RBFOX1: variants seen among roughly 807,000 people sequenced by gnomAD.
RBFOX1 encodes RNA binding fox-1 homolog 1, also known as RNA binding protein fox-1 homolog 1.
RBFOX1 carries 8 observed loss-of-function variants against 57.7 expected under a neutral mutation model. The ratio of observed to expected loss-of-function variants is 0.14; its 90% confidence interval spans 0.08 to 0.25. The LOEUF is 0.25. RBFOX1 is among the 10% of genes least tolerant of loss of function. The pLI, the probability that RBFOX1 is intolerant of heterozygous loss-of-function variation, is 1.00. For missense variants in RBFOX1, 611 were observed against 548.5 expected (o/e 1.11, Z -1.14); for synonymous variants, 326 against 222.4 (o/e 1.47, Z -4.15).
intron 1 of RBFOX1, among the ~76,000 whole-genome samples, chr16:5,305,470 G>C (rs989234346): frequency 3.9e-5 from 6 of 152,198 alleles, no homozygotes; most frequent in African/African-American, 1.4e-4. Context: ...TATAATTCCA[G>C]ATGTTTCCCT....
chr16:6,253,676 T>TGA (rs2097640969), intron 1 of RBFOX1, among the ~76,000 whole-genome samples: 1 of 13,350 alleles, frequency 7.5e-5, no homozygotes, highest in East Asian at 0.019. Flanking sequence ...TGTGTGTGCA[T>TGA]GTGTGTGTGT....
At chr16:7,203,332 A>T (rs1042710198) in intron 4 of RBFOX1, among the ~76,000 whole-genome samples, 1 of 152,232 alleles carries the variant, frequency 6.6e-6, no homozygotes, top group African/African-American at 2.4e-5. Context: ...TGAAGTTTGT[A>T]GTGAAAAGCA....
chr16:6,949,403 G>A (rs377316137), intron 3 of RBFOX1, among the ~76,000 whole-genome samples: 3 of 152,124 alleles, frequency 2.0e-5, no homozygotes, highest in Admixed American at 6.5e-5. Context: ...GTATTAGCTG[G>A]CTAGGGGCAC....
intron 2 of RBFOX1, chr16:6,483,986 T>A: frequency 3.9e-6 from 4 of 1,013,192 alleles, no homozygotes; most frequent in East Asian, 8.7e-5. Flanking sequence ...TGCCCCGTGG[T>A]GGGGGTGGTC....
chr16:6,483,885 G>C (rs2095416994), intron 2 of RBFOX1: 2 of 1,161,810 alleles, frequency 1.7e-6, no homozygotes, highest in East Asian at 4.7e-5. Flanking sequence ...GAAGGATGAG[G>C]CTGCGTTTGC....
intron 2 of RBFOX1, among the ~76,000 whole-genome samples, chr16:5,494,259 T>C (rs76438972): frequency 0.03 from 4,554 of 152,284 alleles, 238 homozygotes; most frequent in African/African-American, 0.1. Context: ...TCCCAAAGTC[T>C]AGACATTCGG....
intron 3 of RBFOX1, among the ~76,000 whole-genome samples, chr16:6,666,540 C>CAAA (rs35935992): frequency 4.9e-5 from 4 of 81,452 alleles, no homozygotes; most frequent in Non-Finnish European, 2.7e-5. Context: ...ACTCTGTCTC[C>CAAA]AAAAAAAAAA....
chr16:7,696,406 C>T (rs749428633), intron 14 of RBFOX1, among the ~76,000 whole-genome samples: 3 of 152,094 alleles, frequency 2.0e-5, no homozygotes, highest in Non-Finnish European at 4.4e-5. Flanking sequence ...ATGATTTTCC[C>T]TTCTTAGACG....
intron 5 of RBFOX1, among the ~76,000 whole-genome samples, chr16:7,558,141 C>T (rs2089276257): frequency 6.6e-6 from 1 of 152,038 alleles, no homozygotes; most frequent in Admixed American, 6.6e-5. Context: ...ATCACTGGAA[C>T]CCAGGAGTTC....
At chr16:6,096,860 G>A (rs543865857) in intron 1 of RBFOX1, among the ~76,000 whole-genome samples, 16 of 152,214 alleles carry the variant, frequency 1.1e-4, no homozygotes, top group East Asian at 1.9e-4. Flanking sequence ...CCGCTGGGAA[G>A]GAGTTGGCAC....
intron 4 of RBFOX1, among the ~76,000 whole-genome samples, chr16:7,180,193 G>T (rs1239320749): frequency 6.6e-6 from 1 of 152,124 alleles, no homozygotes; most frequent in African/African-American, 2.4e-5. Context: ...CCAAAGAACA[G>T]TAGCAATTTT....
chr16:6,977,947 A>AAAAAAAAAAATAAAT (rs57981662), intron 3 of RBFOX1, among the ~76,000 whole-genome samples: 1 of 145,968 alleles, frequency 6.9e-6, no homozygotes. Flanking sequence ...GAAAAAAAAA[A>AAAAAAAAAAATAAAT]AAAAGGCAAA....
intron 4 of RBFOX1, among the ~76,000 whole-genome samples, chr16:7,226,644 C>T (rs1454604432): frequency 6.6e-6 from 1 of 152,220 alleles, no homozygotes; most frequent in African/African-American, 2.4e-5. Flanking sequence ...TATATTCAAA[C>T]AACTCCATAA....
intron 4 of RBFOX1, among the ~76,000 whole-genome samples, chr16:7,082,848 A>G (rs1388070503): frequency 6.6e-6 from 1 of 152,176 alleles, no homozygotes; most frequent in African/African-American, 2.4e-5. Context: ...TTGATTAATT[A>G]TTGTGTTGAG....
chr16:5,810,083 C>A (rs991197487), intron 3 of RBFOX1, among the ~76,000 whole-genome samples: 3 of 151,702 alleles, frequency 2.0e-5, no homozygotes, highest in Non-Finnish European at 2.9e-5. Context: ...GGACAAAAAA[C>A]CAAACACCAT....
intron 2 of RBFOX1, among the ~76,000 whole-genome samples, chr16:5,512,086 G>A (rs1049148025): frequency 6.6e-6 from 1 of 152,224 alleles, no homozygotes; most frequent in Non-Finnish European, 1.5e-5. Context: ...GGGGTGATAT[G>A]TCTTGTCCGG....
chr16:7,181,557 C>G (rs527833034), intron 4 of RBFOX1, among the ~76,000 whole-genome samples: 21 of 151,896 alleles, frequency 1.4e-4, no homozygotes, highest in East Asian at 2.0e-4. Flanking sequence ...TCTCTCATCT[C>G]TCTTTCTCTC....
At chr16:5,353,875 G>C (rs1596627309) in intron 1 of RBFOX1, among the ~76,000 whole-genome samples, 1 of 152,042 alleles carries the variant, frequency 6.6e-6, no homozygotes, top group Non-Finnish European at 1.5e-5. Flanking sequence ...CATGGCCTTT[G>C]CTCTCAGAGG....
At position 6,847,528 on chromosome 16, in the gene RBFOX1, A is replaced by T. The variant is rs535064635; in HGVS notation, c.-16+192878A>T. Among the ~76,000 whole-genome samples the T allele has an allele frequency of 8.5e-5, 13 of 152,222 alleles. No individual in the cohort carries two copies. In the East Asian group the frequency reaches 2.5e-3, roughly 30 times the overall value. ...TTTTATTGGCCAAAGCATGATACGCAACTGATGGCACAGTCAAGGTGTAGG... is the reference window on the plus strand; with the variant it reads ...TTTTATTGGCCAAAGCATGATACGCTACTGATGGCACAGTCAAGGTGTAGG... On this transcript the variant is annotated intron_variant, in intron 3 of 15. Coordinates refer to ENST00000550418, the MANE Select transcript of RBFOX1 (RefSeq NM_018723.4).
Sources: gnomAD v4.1 joint callset for allele counts (sites outside exome capture counted in the v4.1 genomes callset) on GRCh38, gnomAD v4.1.1 for gene constraint, MANE v1.5 for transcripts, NCBI Gene and HGNC (gene_info 2026-07-23, HGNC 2026-07-21) for gene names.